Variants in ADAMTS18 observed in about 807,000 individuals in gnomAD.
The protein encoded by ADAMTS18 is A disintegrin and metalloproteinase with thrombospondin motifs 18.
ADAMTS18 carries 157 observed loss-of-function variants against 165.9 expected under a neutral mutation model. The observed-to-expected ratio is 0.95, with a 90% CI of 0.83 to 1.08. The LOEUF (loss-of-function observed/expected upper bound fraction) is 1.08. ADAMTS18 is among the 50% of genes least tolerant of loss of function. The pLI is 0.00. For missense variants in ADAMTS18, 2,040 were observed against 1,534.0 expected (o/e 1.33, Z -5.51); for synonymous variants, 782 against 578.2 (o/e 1.35, Z -5.06).
intron 3 of ADAMTS18, among the ~76,000 whole-genome samples, chr16:77,422,449 G>C (rs1011427138): frequency 6.6e-6 from 1 of 151,500 alleles, no homozygotes; most frequent in African/African-American, 2.4e-5. Flanking sequence ...TGGATAGCTT[G>C]GATCTAGCCT....
At chr16:77,406,656 A>G (rs2057396642) in intron 3 of ADAMTS18, among the ~76,000 whole-genome samples, 1 of 152,074 alleles carries the variant, frequency 6.6e-6, no homozygotes, top group South Asian at 2.1e-4. Flanking sequence ...AGACACACGC[A>G]CTCATATGTT....
intron 14 of ADAMTS18, among the ~76,000 whole-genome samples, chr16:77,322,021 G>A (rs184780294): frequency 6.6e-6 from 1 of 152,084 alleles, no homozygotes; most frequent in African/African-American, 2.4e-5. Flanking sequence ...CAGGTGTGGT[G>A]GCATGCACCT....
intron 12 of ADAMTS18, among the ~76,000 whole-genome samples, chr16:77,329,787 T>A (rs1403135492): frequency 1.3e-5 from 2 of 152,126 alleles, no homozygotes. Flanking sequence ...TAACAGACAA[T>A]TCTATCATGA....
chr16:77,324,447 A>G (rs922924735), intron 13 of ADAMTS18, among the ~76,000 whole-genome samples: 1 of 152,244 alleles, frequency 6.6e-6, no homozygotes, highest in African/African-American at 2.4e-5. Flanking sequence ...TCATTTCAAA[A>G]GTTATAACCA....
intron 3 of ADAMTS18, among the ~76,000 whole-genome samples, chr16:77,420,391 C>T (rs1018670057): frequency 2.0e-5 from 3 of 152,236 alleles, no homozygotes; most frequent in Non-Finnish European, 4.4e-5. Flanking sequence ...ATTAGGACTA[C>T]CCTGGGGAGT....
chr16:77,350,284 C>T (rs1461123548), intron 10 of ADAMTS18, among the ~76,000 whole-genome samples: 1 of 152,002 alleles, frequency 6.6e-6, no homozygotes, highest in Non-Finnish European at 1.5e-5. Flanking sequence ...ACAGAAAACT[C>T]GTGGTTGGGA....
chr16:77,303,312 G>GC (rs2055620836), intron 16 of ADAMTS18, among the ~76,000 whole-genome samples: 1 of 152,116 alleles, frequency 6.6e-6, no homozygotes, highest in African/African-American at 2.4e-5. Context: ...ATGACACCCC[G>GC]CCTCTGACAC....
chr16:77,336,667 C>G (rs2056315750), intron 11 of ADAMTS18, among the ~76,000 whole-genome samples: 1 of 152,162 alleles, frequency 6.6e-6, no homozygotes, highest in African/African-American at 2.4e-5. Flanking sequence ...GAGCTTTTTT[C>G]TGTATTAACC....
intron 4 of ADAMTS18, among the ~76,000 whole-genome samples, chr16:77,366,326 G>A (rs2056793087): frequency 6.6e-6 from 1 of 152,210 alleles, no homozygotes; most frequent in African/African-American, 2.4e-5. Flanking sequence ...GGGAGACCGA[G>A]GCGGGTGGAT....
chr16:77,364,070 C>T (rs953089219), intron 5 of ADAMTS18, 118 bp downstream of exon 5: 10 of 1,399,348 alleles, frequency 7.1e-6, no homozygotes, highest in Non-Finnish European at 8.1e-6. Flanking sequence ...AAAGTAATGG[C>T]AGAAACTGCA....
At position 77,353,934 on chromosome 16, in the gene ADAMTS18, T is replaced by C. The variant is rs761881398; in HGVS notation, c.1461-48A>G. On this transcript the variant is annotated intron_variant, in intron 9 of 22. Transcript: ENST00000282849. ...TTAATTACTCTGTTGATCTGTGATC[T>C]TTCCATTTACGACAACACACTTCTG... is the stretch of plus-strand genomic sequence containing the variant. 83 of 1,611,310 alleles carry C rather than the reference T, an allele frequency of 5.2e-5. 3 individuals carry two copies. In the South Asian group the frequency reaches 9.0e-4, roughly 17 times the overall value.
At chr16:77,313,718 A>G (rs1362370976) in intron 16 of ADAMTS18, among the ~76,000 whole-genome samples, 1 of 152,198 alleles carries the variant, frequency 6.6e-6, no homozygotes, top group African/African-American at 2.4e-5. Flanking sequence ...TTTCAGCTAC[A>G]GAACTTGGTT....
chr16:77,287,935 G>T (rs973344355), intron 22 of ADAMTS18, among the ~76,000 whole-genome samples: 1 of 152,174 alleles, frequency 6.6e-6, no homozygotes, highest in South Asian at 2.1e-4. Flanking sequence ...ATAGGACCCA[G>T]CTGTATTCTT....
chr16:77,347,879 A>T (rs2056500571), intron 10 of ADAMTS18, among the ~76,000 whole-genome samples: 1 of 152,180 alleles, frequency 6.6e-6, no homozygotes, highest in African/African-American at 2.4e-5. Flanking sequence ...TTAGTAAAAC[A>T]TTTATTTTTA....
intron 20 of ADAMTS18, among the ~76,000 whole-genome samples, chr16:77,292,549 C>A (rs1469349133): frequency 6.6e-6 from 1 of 152,192 alleles, no homozygotes; most frequent in African/African-American, 2.4e-5. Flanking sequence ...TCCCAAAGAC[C>A]GGCTTGGGTG....
intron 3 of ADAMTS18, among the ~76,000 whole-genome samples, chr16:77,411,963 C>CA (rs1219363325): frequency 2.6e-5 from 4 of 151,952 alleles, no homozygotes; most frequent in Non-Finnish European, 5.9e-5. Context: ...ACTGGGATTA[C>CA]AGGCAGGAGC....
intron 12 of ADAMTS18, among the ~76,000 whole-genome samples, chr16:77,334,966 G>A (rs943647417): frequency 2.1e-5 from 3 of 140,868 alleles, no homozygotes; most frequent in African/African-American, 5.2e-5. Flanking sequence ...TATATATACT[G>A]TATATTATAG....
At position 77,283,322 on chromosome 16, in the gene ADAMTS18, G is replaced by A. The variant is rs891986020; in HGVS notation, c.*634C>T. ...TAATATTCCTTGGAATACTTTTCAA[G>A]TTGTCAATTTTAGTCTCAGAGACTC... On this transcript the variant is annotated 3_prime_UTR_variant, in exon 23 of 23. Transcript: ENST00000282849. The A allele has an allele frequency of 6.5e-6, 1 of 152,782 alleles. No homozygotes were observed. The highest frequency in any genetic ancestry group is 2.4e-5 in the African/African-American group (1 of 41,400). The allele number at this position is 152,782 out of a possible 1,614,324, so 9.5% of individuals were successfully genotyped here.
At position 77,367,743 on chromosome 16, in the gene ADAMTS18, GCAAA is replaced by G; in HGVS notation, c.496-24_496-21del. The G allele has an allele frequency of 6.2e-7, 1 of 1,614,140 alleles. No homozygotes were observed. Among genetic ancestry groups the G allele is most frequent in the Non-Finnish European group, 8.5e-7 (1 of 1,180,004 alleles). ...ACCTGACTAAAAAGCCAAACACAAA[GCAAA>G]CAGTCATGATTCCATGCATCCCTGT... On this transcript the variant is annotated intron_variant, in intron 3 of 22. Coordinates refer to ENST00000282849, the MANE Select transcript of ADAMTS18 (RefSeq NM_199355.4).
Sources: gnomAD v4.1 joint callset for allele counts (sites outside exome capture counted in the v4.1 genomes callset) on GRCh38, gnomAD v4.1.1 for gene constraint, MANE v1.5 for transcripts, NCBI Gene and HGNC (gene_info 2026-07-23, HGNC 2026-07-21) for gene names.